TMEM132D: variants seen among roughly 807,000 people sequenced by gnomAD.
TMEM132D encodes transmembrane protein 132D, also known as mature OL transmembrane protein.
Under a neutral mutation model 62.3 loss-of-function variants are expected in TMEM132D, and 21 were observed. The observed-to-expected ratio is 0.34, with a 90% CI of 0.24 to 0.49. The LOEUF (loss-of-function observed/expected upper bound fraction) is 0.49. Ranked by LOEUF, TMEM132D falls within the 20% of genes least tolerant of loss-of-function variation. TMEM132D has a pLI of 0.99. For synonymous variants in TMEM132D, 621 were observed against 575.6 expected, an observed-to-expected ratio of 1.08 and a Z score of -1.13; for missense variants, 1,346 against 1,402.8, an observed-to-expected ratio of 0.96 and a Z score of 0.65.
At chr12:129,183,053 G>T (rs1878112054) in intron 5 of TMEM132D, among the ~76,000 whole-genome samples, 1 of 152,174 alleles carries the variant, frequency 6.6e-6, no homozygotes, top group Non-Finnish European at 1.5e-5. Context: ...TTCCAAGAAT[G>T]ACTGCTCCAA....
rs869069705 is a variant in TMEM132D at position 129,708,630 on chromosome 12, AACAC to A, written c.80-7936_80-7933del. On this transcript the variant is annotated intron_variant, in intron 1 of 8. Transcript: ENST00000422113. ...TCAGGTAAAAAAAAAAAAAAAAAAA[AACAC>A]ACACACACACACACACACACACAGT... 9.0e-3 allele frequency among the ~76,000 whole-genome samples: 961 copies of A among 106,940 alleles called. 121 individuals are homozygous for A. The highest frequency in any genetic ancestry group is 0.025 in the Middle Eastern group (3 of 118). 70.2% of individuals were successfully genotyped at this position (106,940 alleles called of 152,430 possible). A position where few individuals can be genotyped will look rare whatever the true frequency, so the allele number is the denominator to read the frequency against.
rs371931180 is a variant in TMEM132D at position 129,729,554 on chromosome 12, T to C, written c.80-28856A>G. ...ACCTTTTTTTCTTTCTTGCCAAAGA[T>C]TGCATTTTTTTTCCAGCTCTGAGTC... On this transcript the variant is annotated intron_variant, in intron 1 of 8. Transcript: ENST00000422113. Among the ~76,000 whole-genome samples, 24 of 152,250 alleles carry C rather than the reference T, an allele frequency of 1.6e-4. 2 individuals carry two copies. In the East Asian group the frequency reaches 4.3e-3, roughly 27 times the overall value.
At chr12:129,444,677 AACAG>A (rs1482580634) in intron 3 of TMEM132D, among the ~76,000 whole-genome samples, 2 of 152,116 alleles carry the variant, frequency 1.3e-5, no homozygotes, top group Admixed American at 6.5e-5. Context: ...TATTCTCATG[AACAG>A]ACACTTTTCC....
In TMEM132D at chr12:129,368,972, C is replaced by T. The variant is rs112197921; in HGVS notation, c.1116-31155G>A. ...GAATACTGATGTGATGCAGGAGGCTCAGCTGCCATCCTGTGACAGCGAGGC... is the reference window on the plus strand; with the variant it reads ...GAATACTGATGTGATGCAGGAGGCTTAGCTGCCATCCTGTGACAGCGAGGC... On this transcript the variant is annotated intron_variant, in intron 3 of 8. Transcript: ENST00000422113. Among the ~76,000 whole-genome samples the T allele has an allele frequency of 2.3e-4, 35 of 152,320 alleles. 1 individual carries two copies. Among genetic ancestry groups the T allele is most frequent in the African/African-American group, 8.2e-4 (34 of 41,568 alleles).
chr12:129,623,332 T>A lies in TMEM132D; in HGVS notation c.968+76478A>T, dbSNP rs534684714. 7.9e-5 allele frequency among the ~76,000 whole-genome samples: 12 copies of A among 152,252 alleles called. No individual in the cohort carries two copies. The South Asian group carries it at 2.1e-3, about 26-fold the overall frequency. On this transcript the variant is annotated intron_variant, in intron 2 of 8. Coordinates refer to ENST00000422113, the MANE Select transcript of TMEM132D (RefSeq NM_133448.3). ...GGGGTACAGTGGTTTTTTGGTGACATAGATGAATTATATAGTGGTGAAGGC... is the reference window on the plus strand; with the variant it reads ...GGGGTACAGTGGTTTTTTGGTGACAAAGATGAATTATATAGTGGTGAAGGC...
At position 129,159,768 on chromosome 12, in the gene TMEM132D, AAAAAAAAAAG is replaced by A. The variant is rs1475682902; in HGVS notation, c.1443+49742_1443+49751del. 3.0e-4 allele frequency among the ~76,000 whole-genome samples: 44 copies of A among 147,382 alleles called. 1 individual carries two copies. The highest frequency in any genetic ancestry group is 1.2e-4 in the Non-Finnish European group (8 of 66,794). On this transcript the variant is annotated intron_variant, in intron 5 of 8. Coordinates refer to ENST00000422113, the MANE Select transcript of TMEM132D (RefSeq NM_133448.3). ...AGTGAGACTCGGGCTCAAAAAAAAA[AAAAAAAAAAG>A]AAAGAAAATTGATAAGACAAGAGTA...
At chr12:129,824,013 T>C (rs1319585945) in intron 1 of TMEM132D, among the ~76,000 whole-genome samples, 1 of 152,082 alleles carries the variant, frequency 6.6e-6, no homozygotes, top group Non-Finnish European at 1.5e-5. Flanking sequence ...TCCCATCCTA[T>C]GACAGCCCTG....
intron 1 of TMEM132D, among the ~76,000 whole-genome samples, chr12:129,711,980 C>T (rs537138403): frequency 6.6e-6 from 1 of 151,934 alleles, no homozygotes; most frequent in East Asian, 1.9e-4. Context: ...GAGTTGGAAA[C>T]CACCTTGTGG....
chr12:129,575,404 T>C (rs987543704), intron 2 of TMEM132D, among the ~76,000 whole-genome samples: 35 of 151,852 alleles, frequency 2.3e-4, no homozygotes, highest in African/African-American at 6.8e-4. Flanking sequence ...GCCACTCGCT[T>C]GCATGCTGGT....
intron 1 of TMEM132D, among the ~76,000 whole-genome samples, chr12:129,843,976 C>G (rs1046294823): frequency 2.0e-5 from 3 of 151,972 alleles, no homozygotes; most frequent in Non-Finnish European, 4.4e-5. Context: ...TGGTGTGTGC[C>G]TGTAGTTATA....
intron 1 of TMEM132D, among the ~76,000 whole-genome samples, chr12:129,799,839 G>C (rs2137305694): frequency 6.6e-6 from 1 of 152,268 alleles, no homozygotes; most frequent in African/African-American, 2.4e-5. Context: ...CTTGTCCTCT[G>C]AAGATCTCGC....
At chr12:129,839,415 C>T (rs564434233) in intron 1 of TMEM132D, among the ~76,000 whole-genome samples, 118 of 150,908 alleles carry the variant, frequency 7.8e-4, no homozygotes, top group African/African-American at 2.5e-3. Context: ...TGTGAGCCAC[C>T]GTACCCGGCC....
At chr12:129,552,518 A>G (rs925463989) in intron 2 of TMEM132D, among the ~76,000 whole-genome samples, 1 of 151,844 alleles carries the variant, frequency 6.6e-6, no homozygotes, top group African/African-American at 2.4e-5. Flanking sequence ...TCATCTACCC[A>G]TCTACCTAGC....
At chr12:129,605,960 C>G (rs1315020853) in intron 2 of TMEM132D, among the ~76,000 whole-genome samples, 1 of 152,082 alleles carries the variant, frequency 6.6e-6, no homozygotes, top group Admixed American at 6.6e-5. Context: ...GTACTGTGGC[C>G]TCCAGGGTGG....
chr12:129,174,408 T>C (rs1409063470), intron 5 of TMEM132D, among the ~76,000 whole-genome samples: 6 of 152,242 alleles, frequency 3.9e-5, no homozygotes, highest in Non-Finnish European at 8.8e-5. Flanking sequence ...GGACATGATC[T>C]CATGTATTTT....
chr12:129,764,815 CAT>C (rs1336486522), intron 1 of TMEM132D, among the ~76,000 whole-genome samples: 1 of 152,088 alleles, frequency 6.6e-6, no homozygotes, highest in Admixed American at 6.6e-5. Context: ...GTGATACAAG[CAT>C]ATAGTCCCAG....
At chr12:129,096,809 GA>G (rs1875130590) in intron 5 of TMEM132D, among the ~76,000 whole-genome samples, 1 of 152,156 alleles carries the variant, frequency 6.6e-6, no homozygotes, top group South Asian at 2.1e-4. Flanking sequence ...TCTAAAATCA[GA>G]AATTCAAATT....
chr12:129,634,406 C>T (rs113368391), intron 2 of TMEM132D, among the ~76,000 whole-genome samples: 1 of 147,998 alleles, frequency 6.8e-6, no homozygotes, highest in Non-Finnish European at 1.5e-5. Flanking sequence ...CCCAGGATGT[C>T]GAGGCTGCAG....
At chr12:129,409,951 T>A in intron 3 of TMEM132D, among the ~76,000 whole-genome samples, 1 of 152,342 alleles carries the variant, frequency 6.6e-6, no homozygotes, top group East Asian at 1.9e-4. Flanking sequence ...TCTTAGTATG[T>A]GTATGCCTAA....
Sources: gnomAD v4.1 joint callset for allele counts (sites outside exome capture counted in the v4.1 genomes callset) on GRCh38, gnomAD v4.1.1 for gene constraint, MANE v1.5 for transcripts, NCBI Gene and HGNC (gene_info 2026-07-23, HGNC 2026-07-21) for gene names.